The following CELF2 variants were observed in gnomAD, a reference collection of about 807,000 sequenced individuals.
CELF2 encodes CUG triplet repeat RNA-binding protein 2.
A neutral mutation model predicts 62.6 loss-of-function variants in CELF2; 8 were observed. That is an observed-to-expected ratio of 0.13 (90% CI 0.07 to 0.23). The LOEUF (loss-of-function observed/expected upper bound fraction) is 0.23, where lower values mean the gene tolerates loss of function less well. Ranked by LOEUF, CELF2 falls within the 10% of genes least tolerant of loss-of-function variation. CELF2 has a pLI of 1.00. For synonymous variants in CELF2, 258 were observed against 250.0 expected (o/e 1.03, Z -0.30); for missense variants, 333 against 671.0 (o/e 0.50, Z 5.56).
intron 1 of CELF2, among the ~76,000 whole-genome samples, chr10:10,828,022 A>AAAAAAAAAAAG (rs141187093): frequency 6.6e-6 from 1 of 150,920 alleles, no homozygotes; most frequent in Non-Finnish European, 1.5e-5. Context: ...AAAAAAAAAA[A>AAAAAAAAAAAG]AAGCAGAAAA....
the CELF2 span, among the ~76,000 whole-genome samples, chr10:10,585,432 GATGT>G: frequency 0.31 from 47,720 of 151,764 alleles, 7,854 homozygotes; most frequent in East Asian, 0.6. Context: ...GAAACTACAT[GATGT>G]ATGTATATGG....
the CELF2 span, among the ~76,000 whole-genome samples, chr10:10,744,296 C>T: frequency 6.6e-6 from 1 of 152,192 alleles, no homozygotes; most frequent in Non-Finnish European, 1.5e-5. Flanking sequence ...CATATAATTT[C>T]AGTGCCTGGA....
chr10:10,960,613 G>A (rs779450778), intron 2 of CELF2, among the ~76,000 whole-genome samples: 3 of 152,178 alleles, frequency 2.0e-5, no homozygotes, highest in African/African-American at 4.8e-5. Flanking sequence ...ATTGTATTGC[G>A]TATCTTGCAA....
Position 11,302,361 on chromosome 10 carries a change from C to G in CELF2, c.977-11778C>G, listed in dbSNP as rs574139679. Among the ~76,000 whole-genome samples, 1 of 152,360 alleles carries G rather than the reference C, an allele frequency of 6.6e-6. No homozygotes were observed. The highest frequency in any genetic ancestry group is 2.1e-4 in the South Asian group (1 of 4,828). ...AGCAGCGCCGAGGGCTGGTTCAACT[C>G]AGATGCCCAAGCCCCACAACCAGAG... is the stretch of plus-strand genomic sequence containing the variant. On this transcript the variant is annotated intron_variant, in intron 9 of 12. Transcript: ENST00000633077. The surrounding 1 kb of genome is among the most constrained non-coding windows in gnomAD (Gnocchi z 5.0).
At chr10:10,748,230 T>C in the CELF2 span, among the ~76,000 whole-genome samples, 1 of 152,032 alleles carries the variant, frequency 6.6e-6, no homozygotes. Context: ...AAAGAGGACT[T>C]GAAATGTTCC....
chr10:10,739,527 A>C, the CELF2 span, among the ~76,000 whole-genome samples: 1 of 152,202 alleles, frequency 6.6e-6, no homozygotes. Flanking sequence ...AGCTTCCCAT[A>C]ATGTTAGTAT....
Position 11,227,372 on chromosome 10 carries a change from G to A in CELF2, c.354+9865G>A, listed in dbSNP as rs1457135200. On this transcript the variant is annotated intron_variant, in intron 3 of 12. Transcript: ENST00000633077. The surrounding 1 kb of genome is among the most constrained non-coding windows in gnomAD (Gnocchi z 4.8). ...TGAGAGGTAGAACCAGGCAGCCCAC[G>A]CCACAGATGGCACAGCAGGATGAAC... Among the ~76,000 whole-genome samples the A allele has an allele frequency of 2.6e-5, 4 of 152,184 alleles. No individual in the cohort carries two copies. Among genetic ancestry groups the A allele is most frequent in the Non-Finnish European group, 4.4e-5 (3 of 68,032 alleles).
intron 8 of CELF2, among the ~76,000 whole-genome samples, chr10:11,283,051 C>T (rs978478084): frequency 6.6e-6 from 1 of 152,200 alleles, no homozygotes; most frequent in African/African-American, 2.4e-5. Context: ...TATAGGCACA[C>T]GCTACCACAC....
chr10:11,031,896 A>G (rs1263946107), intron 1 of CELF2, among the ~76,000 whole-genome samples: 1 of 152,150 alleles, frequency 6.6e-6, no homozygotes, highest in African/African-American at 2.4e-5. Flanking sequence ...TGATGATCGT[A>G]TAATTTGAGG....
chr10:11,255,946 G>GGAA lies in CELF2; in HGVS notation c.404-1790_404-1788dup, dbSNP rs2078612712. ...CTGAACTTGGAGGAGACACAGCAGG[G>GGAA]GAAGGAATCCTTGGCTGGGAGGAGG... On this transcript the variant is annotated intron_variant, in intron 4 of 12. Transcript: ENST00000633077. This position sits in a 1 kb window ranked among gnomAD's most constrained non-coding sequence, Gnocchi z 5.5. 6.6e-6 allele frequency among the ~76,000 whole-genome samples: 1 copy of GGAA among 152,160 alleles called. No individual in the cohort carries two copies. Among genetic ancestry groups the GGAA allele is most frequent in the Non-Finnish European group, 1.5e-5 (1 of 68,024 alleles).
chr10:11,326,074 C>T (rs1439153687), intron 12 of CELF2, 95 bp downstream of exon 12: 41 of 1,237,564 alleles, frequency 3.3e-5, no homozygotes, highest in Non-Finnish European at 3.2e-5. Context: ...CAGGATAGGG[C>T]CTTCCCCACA....
chr10:10,529,517 C>T, the CELF2 span, among the ~76,000 whole-genome samples: 324 of 152,016 alleles, frequency 2.1e-3, 8 homozygotes, highest in East Asian at 0.055. Context: ...AACCCCACCT[C>T]TACTAAAAAT....
chr10:11,032,839 TAATTA>T (rs1432018545), intron 1 of CELF2, among the ~76,000 whole-genome samples: 2 of 152,366 alleles, frequency 1.3e-5, no homozygotes, highest in African/African-American at 4.8e-5. Context: ...TATTGGGTCA[TAATTA>T]AATTGTGAAC....
the CELF2 span, among the ~76,000 whole-genome samples, chr10:10,536,610 T>A: frequency 4.6e-5 from 7 of 152,314 alleles, no homozygotes; most frequent in African/African-American, 1.7e-4. Context: ...CTGGTTTGAC[T>A]CTTGGCCCAG....
Position 11,017,987 on chromosome 10 carries a change from G to C in CELF2, c.-103G>C, listed in dbSNP as rs1240639449. On this transcript the variant is annotated 5_prime_UTR_variant, in exon 1 of 13. Transcript: ENST00000633077. The surrounding 1 kb of genome is among the most constrained non-coding windows in gnomAD (Gnocchi z 5.5). ...CAAGTGCCGGCTCGGCGGCCGCCGG[G>C]GGAGGCCGCGCGCACCTGTCCCTGC... The C allele has an allele frequency of 3.0e-6, 3 of 994,584 alleles. No homozygotes were observed. The East Asian group carries it at 3.3e-4, about 109-fold the overall frequency. The allele number at this position is 994,584 out of a possible 1,614,324, so 61.6% of individuals were successfully genotyped here. A position where few individuals can be genotyped will look rare whatever the true frequency, so the allele number is the denominator to read the frequency against.
the CELF2 span, among the ~76,000 whole-genome samples, chr10:10,529,987 C>T: frequency 5.9e-5 from 9 of 152,118 alleles, no homozygotes; most frequent in African/African-American, 2.2e-4. Flanking sequence ...TGCTCTGATG[C>T]CCAGATGGGA....
At position 11,290,069 on chromosome 10, in the gene CELF2, C is replaced by G. The variant is rs1011151929; in HGVS notation, c.976+1517C>G. ...AAGGAGGCTTGACAGTTTAAGAAGC[C>G]AAATGCAGAAGCAGCTGTCGGCTGA... On this transcript the variant is annotated intron_variant, in intron 9 of 12. Transcript: ENST00000633077. The surrounding 1 kb of genome is among the most constrained non-coding windows in gnomAD (Gnocchi z 4.3). Among the ~76,000 whole-genome samples the G allele has an allele frequency of 2.0e-4, 31 of 152,118 alleles. No individual in the cohort carries two copies. The highest frequency in any genetic ancestry group is 5.8e-4 in the African/African-American group (24 of 41,412).
chr10:10,890,214 G>A (rs2062034106), intron 1 of CELF2, among the ~76,000 whole-genome samples: 1 of 152,122 alleles, frequency 6.6e-6, no homozygotes, highest in Non-Finnish European at 1.5e-5. Flanking sequence ...GATCTATACA[G>A]GTATTGACCA....
intron 1 of CELF2, among the ~76,000 whole-genome samples, chr10:11,122,966 T>C (rs2058046902): frequency 6.6e-6 from 1 of 152,212 alleles, no homozygotes; most frequent in African/African-American, 2.4e-5. Flanking sequence ...GGGCTAGTCA[T>C]GCAGCTGCAG....
Sources: allele counts gnomAD v4.1 joint callset (sites outside exome capture counted in the v4.1 genomes callset), GRCh38; gene constraint gnomAD v4.1.1; non-coding constraint Gnocchi (gnomAD v3.1); transcripts MANE v1.5; gene names NCBI Gene and HGNC (gene_info 2026-07-23, HGNC 2026-07-21).